ABI2: variants seen among roughly 807,000 people sequenced by gnomAD.
The protein encoded by ABI2 is abelson interactor 2.
A neutral mutation model predicts 59.2 loss-of-function variants in ABI2; 25 were observed. The ratio of observed to expected loss-of-function variants is 0.42; its 90% CI spans 0.31 to 0.59. The LOEUF is 0.59. Among genes scored for constraint, ABI2 ranks in the 20% least tolerant of loss-of-function variants. The pLI is 0.14. For missense variants in ABI2, 545 were observed against 681.8 expected, an observed-to-expected ratio of 0.80 and a Z score of 2.23; for synonymous variants, 213 against 235.5, an observed-to-expected ratio of 0.90 and a Z score of 0.87.
chr2:203,341,709 C>CAA, intron 1 of ABI2, among the ~76,000 whole-genome samples: 1 of 148,650 alleles, frequency 6.7e-6, no homozygotes, highest in South Asian at 2.1e-4. Flanking sequence ...GACTCCATCT[C>CAA]AAAAAAAAAC....
intron 4 of ABI2, among the ~76,000 whole-genome samples, chr2:203,384,727 A>G (rs1194218041): frequency 6.6e-6 from 1 of 152,180 alleles, no homozygotes; most frequent in Non-Finnish European, 1.5e-5. Context: ...AGCTAAACTT[A>G]AGTATTTTTA....
intron 9 of ABI2, among the ~76,000 whole-genome samples, chr2:203,406,670 G>A (rs2097438532): frequency 6.6e-6 from 1 of 152,164 alleles, no homozygotes; most frequent in African/African-American, 2.4e-5. Flanking sequence ...GGAGCAGGAA[G>A]ATTTTTTTTT....
chr2:203,358,732 A>G, intron 1 of ABI2, among the ~76,000 whole-genome samples: 1 of 152,188 alleles, frequency 6.6e-6, no homozygotes, highest in Non-Finnish European at 1.5e-5. Flanking sequence ...AAATCCAGCC[A>G]GGCATGGTGA....
intron 1 of ABI2, among the ~76,000 whole-genome samples, chr2:203,364,282 C>T (rs912975739): frequency 6.6e-5 from 10 of 151,828 alleles, no homozygotes; most frequent in South Asian, 2.1e-4. Flanking sequence ...TTAGTAGAGA[C>T]GGGGTTTCAC....
chr2:203,365,434 A>T (rs1323463817), intron 1 of ABI2, among the ~76,000 whole-genome samples: 2 of 152,030 alleles, frequency 1.3e-5, no homozygotes, highest in African/African-American at 4.8e-5. Flanking sequence ...TCTTGTCTGT[A>T]CCTTTTTCTT....
At chr2:203,343,375 A>C (rs927357806) in intron 1 of ABI2, among the ~76,000 whole-genome samples, 6 of 152,228 alleles carry the variant, frequency 3.9e-5, no homozygotes, top group African/African-American at 1.4e-4. Context: ...AAACATAAAA[A>C]AATTTAATGT....
At chr2:203,364,734 AT>A (rs35748117) in intron 1 of ABI2, among the ~76,000 whole-genome samples, 14,439 of 141,666 alleles carry the variant, frequency 0.1, 724 homozygotes, top group Admixed American at 0.11. Context: ...TATTTTTTTA[AT>A]TTTTTTTTTT....
At chr2:203,413,976 T>G (rs1206438813) in intron 10 of ABI2, among the ~76,000 whole-genome samples, 2 of 152,186 alleles carry the variant, frequency 1.3e-5, no homozygotes, top group East Asian at 3.8e-4. Context: ...CATGGCTCTT[T>G]GGATAGAGTC....
At chr2:203,373,316 A>C (rs1486429146) in intron 2 of ABI2, among the ~76,000 whole-genome samples, 1 of 152,226 alleles carries the variant, frequency 6.6e-6, no homozygotes, top group Admixed American at 6.5e-5. Flanking sequence ...TACGAAAACC[A>C]GTCAGGCGTG....
At chr2:203,372,256 G>A (rs1344497156) in intron 2 of ABI2, among the ~76,000 whole-genome samples, 3 of 152,154 alleles carry the variant, frequency 2.0e-5, no homozygotes, top group East Asian at 1.9e-4. Context: ...TAAGGTCACC[G>A]ATCAACAGGA....
At chr2:203,338,666 A>G (rs887157160) in intron 1 of ABI2, among the ~76,000 whole-genome samples, 1 of 151,758 alleles carries the variant, frequency 6.6e-6, no homozygotes, top group Non-Finnish European at 1.5e-5. Context: ...TCATACGATC[A>G]TAAGAATGGA....
intron 1 of ABI2, among the ~76,000 whole-genome samples, chr2:203,343,787 T>TC (rs1288470912): frequency 6.6e-6 from 1 of 152,186 alleles, no homozygotes; most frequent in Admixed American, 6.5e-5. Context: ...ACTAATCAGG[T>TC]CCCCTTTCTC....
At chr2:203,373,460 AGGGAGAGGGAGACCATGGGCCGTG>A (rs957918590) in intron 2 of ABI2, among the ~76,000 whole-genome samples, 4 of 151,810 alleles carry the variant, frequency 2.6e-5, no homozygotes, top group East Asian at 3.9e-4. Context: ...GTGGAAAGAG[AGGGAGAGGGAGACCATGGGCCGTG>A]GGGAGAGGGA....
intron 1 of ABI2, among the ~76,000 whole-genome samples, chr2:203,334,880 C>G (rs972135941): frequency 6.6e-6 from 1 of 152,038 alleles, no homozygotes; most frequent in Non-Finnish European, 1.5e-5. Flanking sequence ...AGGCTGGTCT[C>G]GAGATCCTGA....
intron 11 of ABI2, among the ~76,000 whole-genome samples, chr2:203,418,325 C>T (rs547847735): frequency 2.6e-5 from 4 of 152,374 alleles, no homozygotes; most frequent in African/African-American, 9.6e-5. Flanking sequence ...CTCCCAGTTT[C>T]TCTGCGTGGC....
chr2:203,328,893 C>T (rs1468535297), intron 1 of ABI2: 1 of 293,090 alleles, frequency 3.4e-6, no homozygotes, highest in African/African-American at 2.2e-5. Context: ...CCGCTCCCGC[C>T]CTCGGCCGCC....
chr2:203,396,909 C>T lies in ABI2; in HGVS notation c.975C>T (p.Thr325=). ...APDAAAGGAQ[T]LADGFTSPTP... is the part of the protein sequence containing the mutation. Reference sequence around the variant, plus strand: ...ACGCTGCTGCTGGGGGTGCCCAGACCCTTGCTGATGGCTTCACTTCTCCAA... The same window carrying T: ...ACGCTGCTGCTGGGGGTGCCCAGACTCTTGCTGATGGCTTCACTTCTCCAA... Residue 325 remains threonine, a synonymous_variant, in exon 8 of 12, where the codon ACC becomes ACT. Coordinates refer to ENST00000261018, the MANE Select transcript of ABI2 (RefSeq NM_001375670.1). The T allele has an allele frequency of 6.5e-7, 1 of 1,529,180 alleles. No individual in the cohort carries two copies. Among genetic ancestry groups the T allele is most frequent in the Non-Finnish European group, 8.7e-7 (1 of 1,144,378 alleles). 94.7% of individuals were successfully genotyped at this position (1,529,180 alleles called of 1,614,324 possible). A position where few individuals can be genotyped will look rare whatever the true frequency, so the allele number is the denominator to read the frequency against.
intron 2 of ABI2, among the ~76,000 whole-genome samples, chr2:203,378,014 A>G (rs1392044400): frequency 6.6e-6 from 1 of 152,184 alleles, no homozygotes; most frequent in Non-Finnish European, 1.5e-5. Context: ...TTTCTGTTAC[A>G]GTTTTCCCAA....
Position 203,430,612 on chromosome 2 carries a change from T to C in ABI2, c.*3260T>C, listed in dbSNP as rs979206641. The C allele has an allele frequency of 4.6e-5, 7 of 152,214 alleles. No individual in the cohort carries two copies. The East Asian group carries it at 7.7e-4, about 17-fold the overall frequency. The allele number at this position is 152,214 out of a possible 1,614,324, so 9.4% of individuals were successfully genotyped here. On this transcript the variant is annotated 3_prime_UTR_variant, in exon 12 of 12. Coordinates refer to ENST00000261018, the MANE Select transcript of ABI2 (RefSeq NM_001375670.1). ...TATGAATCTTCTAAGCTATCTTGTT[T>C]AATATTTTCCATCATTTAGCTACTT...
Sources: allele counts gnomAD v4.1 joint callset (sites outside exome capture counted in the v4.1 genomes callset), GRCh38; gene constraint gnomAD v4.1.1; transcripts MANE v1.5; gene names NCBI Gene and HGNC (gene_info 2026-07-23, HGNC 2026-07-21).